COL23A1: variants seen among roughly 807,000 people sequenced by gnomAD.
COL23A1 encodes the protein collagen type XXIII alpha 1 chain.
Under a neutral mutation model 99.3 loss-of-function variants are expected in COL23A1, and 97 were observed. The observed-to-expected ratio is 0.98, with a 90% confidence interval of 0.83 to 1.16. The LOEUF (loss-of-function observed/expected upper bound fraction) is 1.16. Ranked by LOEUF, COL23A1 falls within the 50% of genes most tolerant of loss-of-function variation. The pLI is 0.00. For missense variants in COL23A1, 762 were observed against 757.4 expected, an observed-to-expected ratio of 1.01 and a Z score of -0.07; for synonymous variants, 320 against 308.2, an observed-to-expected ratio of 1.04 and a Z score of -0.40.
intron 2 of COL23A1, among the ~76,000 whole-genome samples, chr5:178,327,058 T>G (rs1759727894): frequency 6.6e-6 from 1 of 152,208 alleles, no homozygotes; most frequent in Non-Finnish European, 1.5e-5. Context: ...ATGAATGACT[T>G]TATTCATCCA....
rs759475224 is a variant in COL23A1 at position 178,247,784 on chromosome 5, T to TGGGGGGCCA, written c.1251_1259dup (p.Pro420_Pro422dup). 1.5e-4 allele frequency: 242 copies of TGGGGGGCCA among 1,613,356 alleles called. No homozygotes were observed. Among genetic ancestry groups the TGGGGGGCCA allele is most frequent in the African/African-American group, 1.1e-3 (82 of 74,982 alleles). On this transcript the variant is annotated inframe_insertion, in exon 21 of 29. Coordinates refer to ENST00000390654, the MANE Select transcript of COL23A1 (RefSeq NM_173465.4). ...AGCAAACCGTCCTTACCATCGGGCC[T>TGGGGGGCCA]GGGGGGCCAGGGGGGCCAGGGGGCC...
At chr5:178,261,462 G>A (rs1033283670) in intron 11 of COL23A1, among the ~76,000 whole-genome samples, 3 of 152,036 alleles carry the variant, frequency 2.0e-5, no homozygotes, top group Non-Finnish European at 2.9e-5. Context: ...GAAACCAAAA[G>A]GCTAATGTGT....
In COL23A1 at chr5:178,400,122, T is replaced by C. The variant is rs575460815; in HGVS notation, c.362-93203A>G. On this transcript the variant is annotated intron_variant, in intron 2 of 28. Coordinates refer to ENST00000390654, the MANE Select transcript of COL23A1 (RefSeq NM_173465.4). ...TGGCTCACACCTGTAATCCCAGCACTTTGGGAGGCTGAGGCGGGTGGATCA... is the reference window on the plus strand; with the variant it reads ...TGGCTCACACCTGTAATCCCAGCACCTTGGGAGGCTGAGGCGGGTGGATCA... Among the ~76,000 whole-genome samples, 11 of 152,190 alleles carry C rather than the reference T, an allele frequency of 7.2e-5. No individual in the cohort carries two copies. The East Asian group carries it at 2.1e-3, about 29-fold the overall frequency.
intron 5 of COL23A1, among the ~76,000 whole-genome samples, chr5:178,278,492 C>T (rs573619884): frequency 1.1e-3 from 168 of 152,324 alleles, no homozygotes; most frequent in African/African-American, 3.9e-3. Flanking sequence ...CCCGATGGGG[C>T]GGGTGCCCCG....
intron 2 of COL23A1, among the ~76,000 whole-genome samples, chr5:178,516,123 C>T (rs556404539): frequency 6.6e-6 from 1 of 152,340 alleles, no homozygotes; most frequent in South Asian, 2.1e-4. Flanking sequence ...CCTGCCCCGT[C>T]CTCGTCCTCA....
intron 27 of COL23A1, 78 bp downstream of exon 27, chr5:178,241,964 C>T (rs2241580): frequency 0.24 from 268,724 of 1,131,912 alleles, 34,115 homozygotes; most frequent in African/African-American, 0.44. Flanking sequence ...AGCTGAGTTC[C>T]GAGGACAGGG....
chr5:178,288,323 C>T lies in COL23A1; in HGVS notation c.441+1G>A, dbSNP rs376924414. The T allele has an allele frequency of 5.0e-6, 8 of 1,609,694 alleles. No individual in the cohort carries two copies. In the African/African-American group the frequency reaches 1.1e-4, roughly 21 times the overall value. Reference sequence around the variant, plus strand: ...GAGCAAAAAAATAAATGACAAATTACCGGGTAGCCATCTCGTCCTGATTGC... The same window carrying T: ...GAGCAAAAAAATAAATGACAAATTATCGGGTAGCCATCTCGTCCTGATTGC... On this transcript the variant is annotated splice_donor_variant, in intron 5 of 28. Transcript: ENST00000390654. LOFTEE classifies it high-confidence loss of function.
At chr5:178,553,118 C>T (rs888847051) in intron 2 of COL23A1, among the ~76,000 whole-genome samples, 4 of 149,556 alleles carry the variant, frequency 2.7e-5, no homozygotes, top group South Asian at 4.3e-4. Flanking sequence ...TGCAGTGAAC[C>T]GTGACTGCAC....
intron 9 of COL23A1, 81 bp from the exon 10 acceptor site, chr5:178,262,333 G>A (rs928504190): frequency 1.5e-6 from 2 of 1,362,166 alleles, no homozygotes; most frequent in African/African-American, 1.5e-5. Context: ...CAGACCCCGG[G>A]CTGGGGCTCT....
rs115269243 is a variant in COL23A1, at chr5:178,466,446, G to A, written c.361+94236C>T. On this transcript the variant is annotated intron_variant, in intron 2 of 28. Transcript: ENST00000390654. ...GTTGATTCTAAGGCTTCCTAAGCTG[G>A]AAGGTCCCAGCTCTCAAACTCAGCT... is the stretch of plus-strand genomic sequence containing the variant. 7.5e-3 allele frequency among the ~76,000 whole-genome samples: 1,148 copies of A among 152,292 alleles called. 8 individuals are homozygous for A. Among genetic ancestry groups the A allele is most frequent in the Non-Finnish European group, 0.012 (836 of 68,014 alleles).
At position 178,391,575 on chromosome 5, in the gene COL23A1, A is replaced by G. The variant is rs374022044; in HGVS notation, c.362-84656T>C. Among the ~76,000 whole-genome samples the G allele has an allele frequency of 2.6e-5, 4 of 152,212 alleles. No individual in the cohort carries two copies. The East Asian group carries it at 7.7e-4, about 29-fold the overall frequency. ...GATGGCCAGAATAAAAGAGTCAGACAGTCAAAAATGTTGGTGAGGATGGGG... is the reference window on the plus strand; with the variant it reads ...GATGGCCAGAATAAAAGAGTCAGACGGTCAAAAATGTTGGTGAGGATGGGG... On this transcript the variant is annotated intron_variant, in intron 2 of 28. Transcript: ENST00000390654.
At chr5:178,554,694 T>C (rs531755112) in intron 2 of COL23A1, among the ~76,000 whole-genome samples, 12 of 152,104 alleles carry the variant, frequency 7.9e-5, no homozygotes, top group Non-Finnish European at 1.6e-4. Context: ...TCCCCCACTT[T>C]GTCTCCCCTG....
chr5:178,296,388 G>C (rs1391283279), intron 3 of COL23A1, among the ~76,000 whole-genome samples: 1 of 152,152 alleles, frequency 6.6e-6, no homozygotes, highest in Admixed American at 6.5e-5. Flanking sequence ...GCATTTTACA[G>C]ATGAGGAAAC....
At chr5:178,564,392 C>A (rs1338365891) in intron 1 of COL23A1, among the ~76,000 whole-genome samples, 1 of 151,958 alleles carries the variant, frequency 6.6e-6, no homozygotes, top group Non-Finnish European at 1.5e-5. Flanking sequence ...CCCAATCTCA[C>A]AATCTTTACT....
rs1581170799 is a variant in COL23A1 at position 178,333,724 on chromosome 5, A to G, written c.362-26805T>C. Among the ~76,000 whole-genome samples the G allele has an allele frequency of 3.3e-5, 5 of 152,240 alleles. No individual in the cohort carries two copies. The East Asian group carries it at 7.7e-4, about 24-fold the overall frequency. On this transcript the variant is annotated intron_variant, in intron 2 of 28. Transcript: ENST00000390654. ...GCCTGGGAGGACGTCCATCTGCAGA[A>G]CAAGCCTGGCCTGTGACTGGCCCCC... is the stretch of plus-strand genomic sequence containing the variant.
intron 1 of COL23A1, chr5:178,562,714 G>C (rs1441323702): frequency 6.8e-6 from 1 of 147,814 alleles, no homozygotes; most frequent in Non-Finnish European, 1.5e-5. Context: ...GACCCACGCA[G>C]GTTGCTGCCG....
chr5:178,262,387 G>A (rs1049106796), intron 9 of COL23A1, 135 bp from the exon 10 acceptor site: 4 of 783,528 alleles, frequency 5.1e-6, no homozygotes, highest in Non-Finnish European at 8.3e-6. Context: ...TGAAGAGCGA[G>A]TATCACTGTC....
intron 2 of COL23A1, among the ~76,000 whole-genome samples, chr5:178,386,245 C>T (rs2127744193): frequency 6.6e-6 from 1 of 152,206 alleles, no homozygotes; most frequent in African/African-American, 2.4e-5. Context: ...TTGAGACCAG[C>T]CTGGGCAACA....
intron 2 of COL23A1, among the ~76,000 whole-genome samples, chr5:178,358,595 GTGTATGTGTGTATGCGTGTA>G (rs1338775420): frequency 2.8e-4 from 41 of 148,182 alleles, no homozygotes; most frequent in African/African-American, 9.4e-4. Context: ...GTGTGTGTAT[GTGTATGTGTGTATGCGTGTA>G]TGTATGTGTG....
Sources: allele counts gnomAD v4.1 joint callset (sites outside exome capture counted in the v4.1 genomes callset), GRCh38; gene constraint gnomAD v4.1.1; transcripts MANE v1.5; gene names NCBI Gene and HGNC (gene_info 2026-07-23, HGNC 2026-07-21).